Variants in GPC5 observed in about 807,000 individuals in gnomAD.
The protein encoded by GPC5 is glypican-5.
Under a neutral mutation model 53.9 loss-of-function variants are expected in GPC5, and 47 were observed. That is an observed-to-expected ratio of 0.87 (90% CI 0.69 to 1.11). GPC5 has a LOEUF of 1.11. Among genes scored for constraint, GPC5 ranks in the 50% most tolerant of loss-of-function variants. The pLI, the probability that GPC5 is intolerant of heterozygous loss-of-function variation, is 0.00. For missense variants in GPC5, 748 were observed against 713.1 expected (o/e 1.05, Z -0.56); for synonymous variants, 286 against 263.3 (o/e 1.09, Z -0.84).
rs752130758 is a variant in GPC5, at chr13:92,708,857, C to CTTTTTTTTTTTTTTTTTTTTTTTT, written c.1562-157405_1562-157382dup. On this transcript the variant is annotated intron_variant, in intron 7 of 7. Transcript: ENST00000377067. ...CTAGCAGCATCTAGCTGGAAACCGC[C>CTTTTTTTTTTTTTTTTTTTTTTTT]TTTTTTTTTTTTTTTTTTTTTTTTT... Among the ~76,000 whole-genome samples the CTTTTTTTTTTTTTTTTTTTTTTTT allele has an allele frequency of 1.7e-4, 8 of 48,184 alleles. 4 individuals carry two copies. Among genetic ancestry groups the CTTTTTTTTTTTTTTTTTTTTTTTT allele is most frequent in the Non-Finnish European group, 3.3e-4 (8 of 24,284 alleles). The allele number at this position is 48,184 out of a possible 152,430, so 31.6% of individuals were successfully genotyped here.
chr13:92,500,071 G>A (rs1283687024), intron 7 of GPC5, among the ~76,000 whole-genome samples: 1 of 152,082 alleles, frequency 6.6e-6, no homozygotes, highest in Non-Finnish European at 1.5e-5. Context: ...AGTTTCTCCA[G>A]CCTGGACTCA....
rs534352414 is a variant in GPC5 at position 92,828,507 on chromosome 13, G to A, written c.1562-37775G>A. ...ACATCTGGCTGGCTGGCTATATTTC[G>A]CACTTGTTCACTGTATGTTTGATGT... On this transcript the variant is annotated intron_variant, in intron 7 of 7. Coordinates refer to ENST00000377067, the MANE Select transcript of GPC5 (RefSeq NM_004466.6). Among the ~76,000 whole-genome samples, 234 of 152,054 alleles carry A rather than the reference G, an allele frequency of 1.5e-3. 1 individual carries two copies. The highest frequency in any genetic ancestry group is 2.8e-3 in the Non-Finnish European group (188 of 68,012).
chr13:91,561,488 C>A (rs1001576023), intron 2 of GPC5, among the ~76,000 whole-genome samples: 6 of 152,146 alleles, frequency 3.9e-5, no homozygotes, highest in African/African-American at 1.2e-4. Flanking sequence ...GGATCTTTTA[C>A]AATAACTGTT....
chr13:92,396,914 A>T (rs1875306492), intron 7 of GPC5, among the ~76,000 whole-genome samples: 1 of 152,196 alleles, frequency 6.6e-6, no homozygotes, highest in Non-Finnish European at 1.5e-5. Context: ...GCTCTAATAA[A>T]GTCTTTTCCC....
At chr13:92,024,682 G>A (rs2040786464) in intron 6 of GPC5, among the ~76,000 whole-genome samples, 1 of 152,038 alleles carries the variant, frequency 6.6e-6, no homozygotes, top group African/African-American at 2.4e-5. Flanking sequence ...ATCTACTTAA[G>A]TACTTTTGAG....
At chr13:91,703,946 T>C (rs2036044786) in intron 3 of GPC5, among the ~76,000 whole-genome samples, 1 of 152,210 alleles carries the variant, frequency 6.6e-6, no homozygotes, top group African/African-American at 2.4e-5. Flanking sequence ...ACTTATTCAT[T>C]TTATTCTCTT....
At chr13:92,574,037 G>T (rs1883116190) in intron 7 of GPC5, among the ~76,000 whole-genome samples, 3 of 152,072 alleles carry the variant, frequency 2.0e-5, no homozygotes, top group Non-Finnish European at 2.9e-5. Flanking sequence ...TTCCAAGTTT[G>T]TCTTTCCTAA....
At chr13:92,751,334 A>AAAAAAC (rs1889393079) in intron 7 of GPC5, among the ~76,000 whole-genome samples, 1 of 145,720 alleles carries the variant, frequency 6.9e-6, no homozygotes, top group Non-Finnish European at 1.5e-5. Context: ...AAAAAAAAAA[A>AAAAAAC]ACCTTCCAAC....
rs576954709 is a variant in GPC5 at position 92,850,403 on chromosome 13, C to T, written c.1562-15879C>T. On this transcript the variant is annotated intron_variant, in intron 7 of 7. Transcript: ENST00000377067. ...TGACTTGAGGTCAGGAGCTCGAGAC[C>T]AGCATGGCCAACATGGTGAAACCTC... is the stretch of plus-strand genomic sequence containing the variant. Among the ~76,000 whole-genome samples the T allele has an allele frequency of 2.6e-5, 4 of 152,246 alleles. No homozygotes were observed. In the South Asian group the frequency reaches 8.3e-4, roughly 32 times the overall value.
chr13:92,540,957 T>A (rs1217035680), intron 7 of GPC5, among the ~76,000 whole-genome samples: 3 of 151,828 alleles, frequency 2.0e-5, no homozygotes, highest in African/African-American at 7.2e-5. Context: ...GGTTCTAAAA[T>A]GTAAATGTAG....
chr13:92,560,273 T>C (rs1444525151), intron 7 of GPC5, among the ~76,000 whole-genome samples: 4 of 152,008 alleles, frequency 2.6e-5, no homozygotes, highest in Admixed American at 1.3e-4. Context: ...AACTGTGATA[T>C]GAGAATATTG....
intron 6 of GPC5, among the ~76,000 whole-genome samples, chr13:92,089,772 C>A (rs2041364747): frequency 6.6e-6 from 1 of 152,078 alleles, no homozygotes; most frequent in African/African-American, 2.4e-5. Context: ...CCTTAGAGAT[C>A]TTCCATTAAT....
chr13:92,349,699 A>C (rs754834985), intron 7 of GPC5, among the ~76,000 whole-genome samples: 9 of 152,082 alleles, frequency 5.9e-5, no homozygotes, highest in Non-Finnish European at 1.3e-4. Context: ...ATGCAGAAAT[A>C]AAAAATCTGA....
At chr13:92,006,427 G>A (rs1169918558) in intron 6 of GPC5, among the ~76,000 whole-genome samples, 1 of 152,084 alleles carries the variant, frequency 6.6e-6, no homozygotes, top group Non-Finnish European at 1.5e-5. Flanking sequence ...CACTCTCTAA[G>A]GCTAAGAAAT....
intron 7 of GPC5, among the ~76,000 whole-genome samples, chr13:92,519,667 G>C (rs1040362266): frequency 2.6e-5 from 4 of 152,136 alleles, no homozygotes; most frequent in African/African-American, 7.2e-5. Flanking sequence ...ATGCCCACAA[G>C]AGAAAGCAGG....
intron 2 of GPC5, among the ~76,000 whole-genome samples, chr13:91,504,821 G>T (rs931045242): frequency 6.6e-6 from 1 of 152,048 alleles, no homozygotes; most frequent in Non-Finnish European, 1.5e-5. Context: ...GGGCATGGTG[G>T]CATGCACCTG....
chr13:91,553,526 A>G (rs914304414), intron 2 of GPC5, among the ~76,000 whole-genome samples: 3 of 152,178 alleles, frequency 2.0e-5, no homozygotes, highest in East Asian at 1.9e-4. Flanking sequence ...TTCAATCTGT[A>G]TATGAGGTAA....
chr13:91,485,559 T>A (rs377677732), intron 2 of GPC5, among the ~76,000 whole-genome samples: 2 of 152,294 alleles, frequency 1.3e-5, no homozygotes, highest in African/African-American at 4.8e-5. Context: ...ACACTTTGTT[T>A]TTGCATGTTG....
At chr13:92,137,465 T>TG (rs1471843539) in intron 6 of GPC5, among the ~76,000 whole-genome samples, 1 of 152,190 alleles carries the variant, frequency 6.6e-6, no homozygotes, top group Non-Finnish European at 1.5e-5. Context: ...AATACAGGAT[T>TG]GGGGTAGCAG....
Sources: allele counts gnomAD v4.1 joint callset (sites outside exome capture counted in the v4.1 genomes callset), GRCh38; gene constraint gnomAD v4.1.1; transcripts MANE v1.5; gene names NCBI Gene and HGNC (gene_info 2026-07-23, HGNC 2026-07-21).